SLC1A6: variants seen among roughly 807,000 people sequenced by gnomAD.
SLC1A6 encodes solute carrier family 1 member 6, also known as excitatory amino acid transporter 4.
A neutral mutation model predicts 42.1 loss-of-function variants in SLC1A6; 15 were observed. That is an observed-to-expected ratio of 0.36 (90% CI 0.24 to 0.55). The LOEUF (loss-of-function observed/expected upper bound fraction) is 0.55, where lower values mean the gene tolerates loss of function less well. SLC1A6 is among the 20% of genes least tolerant of loss of function. The pLI is 0.88. For missense variants in SLC1A6, 542 were observed against 772.5 expected (o/e 0.70, Z 3.54); for synonymous variants, 317 against 319.7 (o/e 0.99, Z 0.09).
chr19:15,006,785 GA>G (rs2045898001), intron 1 of SLC1A6, among the ~76,000 whole-genome samples: 1 of 150,176 alleles, frequency 6.7e-6, no homozygotes, highest in South Asian at 2.1e-4. Flanking sequence ...AAAAAGAAAA[GA>G]AAAGAAAATT....
chr19:14,964,454 T>C (rs3803927), intron 4 of SLC1A6, 93 bp from the exon 5 acceptor site: 205,948 of 981,970 alleles, frequency 0.21, 23,399 homozygotes, highest in South Asian at 0.26. Flanking sequence ...ACAACAATAG[T>C]GCAGCCAACA....
intron 4 of SLC1A6, among the ~76,000 whole-genome samples, chr19:14,966,337 C>T (rs73011392): frequency 0.18 from 27,104 of 151,960 alleles, 2,844 homozygotes; most frequent in South Asian, 0.27. Context: ...ACTAAAAATA[C>T]AAAAATTAGT....
Position 14,968,335 on chromosome 19 carries a change from G to T in SLC1A6, c.516C>A (p.Ile172=). 11 of 1,613,688 alleles carry T rather than the reference G, an allele frequency of 6.8e-6. No individual in the cohort carries two copies. Among genetic ancestry groups the T allele is most frequent in the Non-Finnish European group, 6.8e-6 (8 of 1,179,864 alleles). The change falls in exon 4 of 10, where the codon ATC becomes ATA. Residue 172 remains isoleucine (I), a synonymous_variant. Transcript: ENST00000594383. ...GGTCCATGAAGGCATCAGCTGTGGGGATGGTCTCGATCCGGCCCTCCCGGT... is the reference window on the plus strand; with the variant it reads ...GGTCCATGAAGGCATCAGCTGTGGGTATGGTCTCGATCCGGCCCTCCCGGT... The part of the protein sequence containing the change: ...GLHREGRIET[I]PTADAFMDLI...
At chr19:14,994,743 C>T (rs2045836844) in intron 1 of SLC1A6, among the ~76,000 whole-genome samples, 1 of 152,294 alleles carries the variant, frequency 6.6e-6, no homozygotes, top group Admixed American at 6.5e-5. Context: ...CCTTGCCTTT[C>T]TATTGCTTAA....
chr19:14,982,568 G>A (rs533364683), upstream of SLC1A6, among the ~76,000 whole-genome samples: 60 of 152,188 alleles, frequency 3.9e-4, no homozygotes, highest in African/African-American at 1.4e-3. Context: ...TGTTAATAAT[G>A]TATCAATATA....
At chr19:15,003,679 G>T (rs201184365) in intron 1 of SLC1A6, among the ~76,000 whole-genome samples, 2 of 129,568 alleles carry the variant, frequency 1.5e-5, no homozygotes, top group African/African-American at 5.9e-5. Context: ...AAAAAAGAAA[G>T]AAAAGAAAAG....
chr19:14,997,323 T>A (rs1477391384), intron 1 of SLC1A6, among the ~76,000 whole-genome samples: 2 of 152,152 alleles, frequency 1.3e-5, no homozygotes, highest in East Asian at 3.8e-4. Context: ...TTTACTGATG[T>A]CTCGTGTCTC....
At chr19:14,991,879 G>T (rs375223215) in intron 1 of SLC1A6, among the ~76,000 whole-genome samples, 1 of 149,770 alleles carries the variant, frequency 6.7e-6, no homozygotes, top group Non-Finnish European at 1.5e-5. Context: ...GCTCTGTCAC[G>T]CAGTGGCGTG....
chr19:14,999,597 G>A (rs2045863477), intron 1 of SLC1A6, among the ~76,000 whole-genome samples: 1 of 152,168 alleles, frequency 6.6e-6, no homozygotes, highest in Non-Finnish European at 1.5e-5. Flanking sequence ...ATACTTCTTG[G>A]TTTACATGCA....
intron 2 of SLC1A6, 21 bp from the exon 3 acceptor site, chr19:14,971,895 C>T: frequency 6.2e-7 from 1 of 1,613,312 alleles, no homozygotes; most frequent in Non-Finnish European, 8.5e-7. Flanking sequence ...AAGAAGGGGT[C>T]CATGGACTGA....
intron 6 of SLC1A6, chr19:14,961,473 G>A (rs1376538318): frequency 6.5e-6 from 1 of 152,782 alleles, no homozygotes; most frequent in African/African-American, 2.4e-5. Context: ...ATGTATTGAA[G>A]AATGAGTGAA....
exon 1 of SLC1A6, chr19:15,010,495 C>G (rs16980212): frequency 0.22 from 121,035 of 555,018 alleles, 14,525 homozygotes; most frequent in Non-Finnish European, 0.25. Flanking sequence ...CGACATGCGA[C>G]AGAGTGTGAC....
intron 1 of SLC1A6, among the ~76,000 whole-genome samples, chr19:14,993,979 T>G (rs1339966987): frequency 6.6e-6 from 1 of 152,116 alleles, no homozygotes. Flanking sequence ...AGCTGAGCAC[T>G]AGAAGCTAGC....
At position 14,979,707 on chromosome 19, in the gene SLC1A6, C is replaced by G. The variant is rs1456150199; in HGVS notation, c.-406G>C. The G allele has an allele frequency of 6.6e-6, 1 of 151,084 alleles. No individual in the cohort carries two copies. The highest frequency in any genetic ancestry group is 1.5e-5 in the Non-Finnish European group (1 of 67,838). 9.4% of individuals were successfully genotyped at this position (151,084 alleles called of 1,614,324 possible). A position where few individuals can be genotyped will look rare whatever the true frequency, so the allele number is the denominator to read the frequency against. ...GACGCGCTATGCTGCGGGAGGGATC[C>G]GGGCCGGCCCTGCGCTCACGTGGGT... On this transcript the variant is annotated 5_prime_UTR_variant, in exon 1 of 10. Transcript: ENST00000594383. The surrounding 1 kb of genome is among the most constrained non-coding windows in gnomAD (Gnocchi z 4.2).
intron 7 of SLC1A6, among the ~76,000 whole-genome samples, chr19:14,955,345 C>T (rs1007922203): frequency 6.6e-6 from 1 of 151,970 alleles, no homozygotes; most frequent in African/African-American, 2.4e-5. Flanking sequence ...TTTGGGAGAG[C>T]GAGACGGGCA....
At chr19:14,984,174 T>C (rs2045781806), upstream of SLC1A6, among the ~76,000 whole-genome samples, 1 of 151,968 alleles carries the variant, frequency 6.6e-6, no homozygotes, top group African/African-American at 2.4e-5. Flanking sequence ...CCAGGTATGG[T>C]GGCGCTTGCC....
In SLC1A6 at chr19:14,968,285, T is replaced by C. The variant is rs374848771; in HGVS notation, c.548+18A>G. ...CCTTTTTCAAATGTGTATATTGTGG[T>C]TTTTTAGGTTGGCACACCTGATCAG... On this transcript the variant is annotated intron_variant, in intron 4 of 9. Transcript: ENST00000594383. The C allele has an allele frequency of 1.9e-6, 3 of 1,589,940 alleles. No homozygotes were observed. In the African/African-American group the frequency reaches 4.0e-5, roughly 21 times the overall value.
upstream of SLC1A6, among the ~76,000 whole-genome samples, chr19:14,984,530 T>A (rs1212819227): frequency 6.6e-6 from 1 of 152,232 alleles, no homozygotes; most frequent in East Asian, 1.9e-4. Context: ...GGTAACTGTG[T>A]CTATTCTTTG....
intron 1 of SLC1A6, chr19:15,010,382 G>T (rs1600047567): frequency 2.5e-6 from 1 of 397,320 alleles, no homozygotes; most frequent in East Asian, 7.4e-5. Flanking sequence ...TTCCAAGTGT[G>T]AAGGCGCTTC....
Sources: allele counts gnomAD v4.1 joint callset (sites outside exome capture counted in the v4.1 genomes callset), GRCh38; gene constraint gnomAD v4.1.1; non-coding constraint Gnocchi (gnomAD v3.1); transcripts MANE v1.5; gene names NCBI Gene and HGNC (gene_info 2026-07-23, HGNC 2026-07-21).